L3MBTL4: variants seen among roughly 807,000 people sequenced by gnomAD.
L3MBTL4 encodes L3MBTL histone methyl-lysine binding protein 4.
Under a neutral mutation model 84.5 loss-of-function variants are expected in L3MBTL4, and 70 were observed. That is an observed-to-expected ratio of 0.83 (90% CI 0.68 to 1.01). The LOEUF (loss-of-function observed/expected upper bound fraction) is 1.01. Ranked by LOEUF, L3MBTL4 falls within the 50% of genes least tolerant of loss-of-function variation. The pLI is 0.00. For synonymous variants in L3MBTL4, 274 were observed against 259.8 expected (o/e 1.05, Z -0.52); for missense variants, 715 against 754.8 (o/e 0.95, Z 0.62).
chr18:6,199,009 C>T (rs182481557), intron 12 of L3MBTL4, among the ~76,000 whole-genome samples: 1 of 152,284 alleles, frequency 6.6e-6, no homozygotes, highest in Non-Finnish European at 1.5e-5. Flanking sequence ...TTTCTCCCCA[C>T]TCATTTAAAT....
chr18:5,972,293 A>C (rs73392020), intron 16 of L3MBTL4, among the ~76,000 whole-genome samples: 1 of 152,334 alleles, frequency 6.6e-6, no homozygotes, highest in African/African-American at 2.4e-5. Context: ...GAAAGTTTTA[A>C]AGTTGAGCTT....
At chr18:6,275,590 C>T (rs1304889616) in intron 4 of L3MBTL4, among the ~76,000 whole-genome samples, 1 of 152,062 alleles carries the variant, frequency 6.6e-6, no homozygotes, top group African/African-American at 2.4e-5. Flanking sequence ...GGCTGGAGGA[C>T]AGTTTGTGAT....
chr18:6,210,550 A>G (rs2046060908), intron 12 of L3MBTL4, among the ~76,000 whole-genome samples: 1 of 152,222 alleles, frequency 6.6e-6, no homozygotes, highest in Non-Finnish European at 1.5e-5. Flanking sequence ...CAGTTTCTTC[A>G]TCTACATAAC....
chr18:6,021,917 C>T (rs1042707986), intron 16 of L3MBTL4, among the ~76,000 whole-genome samples: 1 of 152,144 alleles, frequency 6.6e-6, no homozygotes. Flanking sequence ...ATGTGCTGAG[C>T]GCTGCTGGGA....
intron 16 of L3MBTL4, among the ~76,000 whole-genome samples, chr18:6,072,239 G>T (rs779378479): frequency 6.6e-6 from 1 of 152,022 alleles, no homozygotes; most frequent in Admixed American, 6.5e-5. Context: ...GGAATCAAAT[G>T]AATAAGCAGG....
intron 10 of L3MBTL4, among the ~76,000 whole-genome samples, chr18:6,219,164 G>C (rs2046444799): frequency 6.6e-6 from 1 of 152,010 alleles, no homozygotes; most frequent in Non-Finnish European, 1.5e-5. Context: ...TATACAGTTA[G>C]AAAGTGGAAG....
At chr18:6,253,959 A>T (rs2048031626) in intron 5 of L3MBTL4, among the ~76,000 whole-genome samples, 1 of 152,202 alleles carries the variant, frequency 6.6e-6, no homozygotes, top group Non-Finnish European at 1.5e-5. Context: ...TAATACACGC[A>T]CACACTCACC....
At chr18:6,010,315 A>G (rs1453983887) in intron 16 of L3MBTL4, among the ~76,000 whole-genome samples, 1 of 152,246 alleles carries the variant, frequency 6.6e-6, no homozygotes, top group Non-Finnish European at 1.5e-5. Flanking sequence ...TAAGAAACCC[A>G]GGATGAATGT....
At chr18:6,009,078 G>C (rs1022770314) in intron 16 of L3MBTL4, among the ~76,000 whole-genome samples, 1 of 152,204 alleles carries the variant, frequency 6.6e-6, no homozygotes. Flanking sequence ...GCTATAAGGC[G>C]GGTTCAGACC....
intron 16 of L3MBTL4, among the ~76,000 whole-genome samples, chr18:5,988,650 A>G (rs1215733163): frequency 6.7e-6 from 1 of 148,870 alleles, no homozygotes; most frequent in Non-Finnish European, 1.5e-5. Context: ...ATATGTATGT[A>G]CGTATGTATA....
intron 3 of L3MBTL4, among the ~76,000 whole-genome samples, chr18:6,302,922 C>T (rs967878359): frequency 2.0e-5 from 3 of 152,004 alleles, no homozygotes; most frequent in South Asian, 2.1e-4. Flanking sequence ...ATCTGGGAGG[C>T]GGAGGTTGCA....
At chr18:6,282,491 A>T (rs918937684) in intron 4 of L3MBTL4, among the ~76,000 whole-genome samples, 1 of 152,142 alleles carries the variant, frequency 6.6e-6, no homozygotes, top group Non-Finnish European at 1.5e-5. Flanking sequence ...GATGGCAGGT[A>T]CAAGGGTTCC....
chr18:6,029,915 G>A (rs2055701936), intron 16 of L3MBTL4: 1 of 985,400 alleles, frequency 1.0e-6, no homozygotes, highest in South Asian at 4.7e-5. Flanking sequence ...GATGAGTACA[G>A]AAGACACTTT....
intron 16 of L3MBTL4, among the ~76,000 whole-genome samples, chr18:6,059,499 G>A (rs1171104109): frequency 6.6e-6 from 1 of 151,982 alleles, no homozygotes; most frequent in Non-Finnish European, 1.5e-5. Flanking sequence ...ATTCCAGCAA[G>A]AAAACTGGCT....
At chr18:5,984,943 C>G (rs1304976641) in intron 16 of L3MBTL4, among the ~76,000 whole-genome samples, 4 of 152,010 alleles carry the variant, frequency 2.6e-5, no homozygotes, top group Non-Finnish European at 4.4e-5. Context: ...TCAAACTATG[C>G]TGTCTTAATG....
intron 15 of L3MBTL4, among the ~76,000 whole-genome samples, chr18:6,089,420 C>T (rs752519463): frequency 2.6e-5 from 4 of 152,062 alleles, no homozygotes; most frequent in Non-Finnish European, 4.4e-5. Context: ...ATGTGCAGAA[C>T]GTGCAGGTTC....
At chr18:6,318,287 T>A (rs2051212408) in intron 1 of L3MBTL4, among the ~76,000 whole-genome samples, 1 of 151,678 alleles carries the variant, frequency 6.6e-6, no homozygotes, top group Non-Finnish European at 1.5e-5. Context: ...ATGGTGTAAA[T>A]GCTCCACTTA....
rs1396397251 is a variant in L3MBTL4 at position 6,171,921 on chromosome 18, GGTCC to G, written c.999_1002del (p.Trp333CysfsTer37). 6.4e-7 allele frequency: 1 copy of G among 1,550,918 alleles called. No individual in the cohort carries two copies. On this transcript the variant is annotated frameshift_variant, in exon 13 of 19. Transcript: ENST00000317931. LOFTEE classifies it high-confidence loss of function. ...GCCTCCACCCAGTAGTCATACTTAT[GGTCC>G]CAACCATCAAAATGAACCTGTTAAA...
intron 16 of L3MBTL4, among the ~76,000 whole-genome samples, chr18:5,996,204 A>G (rs757366171): frequency 3.3e-5 from 5 of 152,328 alleles, no homozygotes; most frequent in Middle Eastern, 3.4e-3. Flanking sequence ...TGATGTTAAC[A>G]TCGTTCTGGA....
Sources: allele counts gnomAD v4.1 joint callset (sites outside exome capture counted in the v4.1 genomes callset), GRCh38; gene constraint gnomAD v4.1.1; transcripts MANE v1.5; gene names NCBI Gene and HGNC (gene_info 2026-07-23, HGNC 2026-07-21).